ZNF385D: variants seen among roughly 807,000 people sequenced by gnomAD.
ZNF385D encodes zinc finger protein 385D.
A neutral mutation model predicts 35.8 loss-of-function variants in ZNF385D; 15 were observed. The observed-to-expected ratio is 0.42, with a 90% confidence interval of 0.28 to 0.64. The LOEUF (loss-of-function observed/expected upper bound fraction) is 0.64, where lower values mean the gene tolerates loss of function less well. ZNF385D is among the 30% of genes least tolerant of loss of function. The pLI, the probability that ZNF385D is intolerant of heterozygous loss-of-function variation, is 0.23. For synonymous variants in ZNF385D, 212 were observed against 186.8 expected, an observed-to-expected ratio of 1.13 and a Z score of -1.10; for missense variants, 474 against 494.6, an observed-to-expected ratio of 0.96 and a Z score of 0.39.
chr3:21,922,952 C>T (rs546203196), intron 3 of ZNF385D, among the ~76,000 whole-genome samples: 2 of 152,250 alleles, frequency 1.3e-5, no homozygotes, highest in Admixed American at 6.5e-5. Flanking sequence ...ACAAATTGCC[C>T]TGTTTGAAAA....
chr3:21,705,610 T>C (rs1390524961), intron 1 of ZNF385D, among the ~76,000 whole-genome samples: 1 of 152,176 alleles, frequency 6.6e-6, no homozygotes, highest in African/African-American at 2.4e-5. Flanking sequence ...CAAAGGTCAT[T>C]TCTTAATCTC....
intron 4 of ZNF385D, among the ~76,000 whole-genome samples, chr3:21,493,732 G>A (rs372186710): frequency 6.6e-6 from 1 of 151,742 alleles, no homozygotes; most frequent in South Asian, 2.1e-4. Flanking sequence ...CAAAGTGTTA[G>A]GATTACAGCT....
intron 2 of ZNF385D, among the ~76,000 whole-genome samples, chr3:21,623,620 A>C (rs1461101898): frequency 2.6e-5 from 4 of 152,090 alleles, no homozygotes; most frequent in Non-Finnish European, 5.9e-5. Flanking sequence ...TGATCTCACC[A>C]CTGCATTCCA....
At chr3:21,638,508 C>G (rs1384126093) in intron 2 of ZNF385D, among the ~76,000 whole-genome samples, 2 of 152,080 alleles carry the variant, frequency 1.3e-5, no homozygotes, top group Non-Finnish European at 2.9e-5. Context: ...CCTGCATCGC[C>G]CTGTGGGACT....
At chr3:22,243,693 C>T (rs1052680244) in intron 2 of ZNF385D, among the ~76,000 whole-genome samples, 2 of 150,864 alleles carry the variant, frequency 1.3e-5, no homozygotes, top group South Asian at 4.3e-4. Context: ...TCTGTGGCTA[C>T]CTGTATTGTT....
At chr3:21,871,984 G>A (rs1442084349) in intron 3 of ZNF385D, among the ~76,000 whole-genome samples, 1 of 151,756 alleles carries the variant, frequency 6.6e-6, no homozygotes, top group Non-Finnish European at 1.5e-5. Flanking sequence ...GCAACAAAGA[G>A]CGAAACTCTG....
At chr3:21,900,831 C>T (rs1293484671) in intron 3 of ZNF385D, among the ~76,000 whole-genome samples, 2 of 152,142 alleles carry the variant, frequency 1.3e-5, no homozygotes, top group African/African-American at 4.8e-5. Context: ...TGGCCTTGCA[C>T]TGGGATAAAA....
chr3:22,071,952 A>G (rs1465822860), intron 3 of ZNF385D, among the ~76,000 whole-genome samples: 3 of 152,100 alleles, frequency 2.0e-5, no homozygotes, highest in Admixed American at 1.3e-4. Flanking sequence ...AACTCATTCT[A>G]TTTACCAAGA....
At chr3:22,039,568 A>G (rs1449164051) in intron 3 of ZNF385D, among the ~76,000 whole-genome samples, 4 of 152,106 alleles carry the variant, frequency 2.6e-5, no homozygotes, top group Non-Finnish European at 5.9e-5. Context: ...TATTACTTTG[A>G]ACTGTATAAA....
At chr3:21,849,788 T>G (rs898365502) in intron 3 of ZNF385D, 1 of 151,994 alleles carries the variant, frequency 6.6e-6, no homozygotes, top group African/African-American at 2.4e-5. Flanking sequence ...AAACTTTTTT[T>G]TTGTTTTTTG....
chr3:21,936,880 G>T (rs971508716), intron 3 of ZNF385D, among the ~76,000 whole-genome samples: 3 of 152,132 alleles, frequency 2.0e-5, no homozygotes, highest in African/African-American at 7.2e-5. Context: ...GTTAGGAATA[G>T]TTGTAACTAG....
chr3:22,297,169 G>A (rs1702630578), intron 2 of ZNF385D, among the ~76,000 whole-genome samples: 1 of 152,068 alleles, frequency 6.6e-6, no homozygotes, highest in Admixed American at 6.6e-5. Context: ...TGGTGGTACA[G>A]AAAGACTGAC....
intron 3 of ZNF385D, among the ~76,000 whole-genome samples, chr3:22,152,762 C>A (rs1705321875): frequency 6.6e-6 from 1 of 152,126 alleles, no homozygotes; most frequent in African/African-American, 2.4e-5. Flanking sequence ...GTTCCTTTGG[C>A]CAAGTTAGGC....
intron 4 of ZNF385D, among the ~76,000 whole-genome samples, chr3:21,448,984 T>G (rs1702301095): frequency 6.6e-6 from 1 of 152,134 alleles, no homozygotes; most frequent in African/African-American, 2.4e-5. Flanking sequence ...GATCTTTCTT[T>G]TTTTTCTGAA....
chr3:22,226,092 G>C (rs978541587), intron 2 of ZNF385D, among the ~76,000 whole-genome samples: 1 of 151,112 alleles, frequency 6.6e-6, no homozygotes, highest in Non-Finnish European at 1.5e-5. Context: ...ATGTGGAAAA[G>C]AATCTTCTCT....
At chr3:21,945,200 AGAAAGAGAAT>A (rs1370518975) in intron 3 of ZNF385D, among the ~76,000 whole-genome samples, 1 of 152,044 alleles carries the variant, frequency 6.6e-6, no homozygotes, top group East Asian at 1.9e-4. Flanking sequence ...ACAGATTGAG[AGAAAGAGAAT>A]GAAAGAGAGA....
chr3:21,973,804 CA>C (rs546686875), intron 3 of ZNF385D, among the ~76,000 whole-genome samples: 134 of 151,570 alleles, frequency 8.8e-4, no homozygotes, highest in African/African-American at 2.8e-3. Context: ...AAAAACATAT[CA>C]AAAAACTAAT....
intron 1 of ZNF385D, among the ~76,000 whole-genome samples, chr3:21,683,482 G>T (rs2066981558): frequency 6.7e-6 from 1 of 149,516 alleles, no homozygotes; most frequent in South Asian, 2.2e-4. Context: ...GCTGGTCACG[G>T]TGTTGTGCAT....
intron 2 of ZNF385D, among the ~76,000 whole-genome samples, chr3:21,652,993 A>G (rs1403265892): frequency 6.6e-6 from 1 of 151,680 alleles, no homozygotes; most frequent in Non-Finnish European, 1.5e-5. Context: ...AGTGTCACTC[A>G]CTCCTCAGAA....
Sources: gnomAD v4.1 joint callset for allele counts (sites outside exome capture counted in the v4.1 genomes callset) on GRCh38, gnomAD v4.1.1 for gene constraint, MANE v1.5 for transcripts, NCBI Gene and HGNC (gene_info 2026-07-23, HGNC 2026-07-21) for gene names.